The following PAQR7 variants were observed in gnomAD, a reference collection of about 807,000 sequenced individuals.
The protein encoded by PAQR7 is progestin and adipoQ receptor family member 7, also known as membrane progestin receptor alpha.
In PAQR7, 14 loss-of-function variants were observed where a neutral mutation model predicts 24.6. The ratio of observed to expected loss-of-function variants is 0.57; its 90% CI spans 0.38 to 0.89. The LOEUF (loss-of-function observed/expected upper bound fraction) is 0.89, where lower values mean the gene tolerates loss of function less well. Among genes scored for constraint, PAQR7 ranks in the 40% least tolerant of loss-of-function variants. The pLI is 0.00. For synonymous variants in PAQR7, 189 were observed against 198.8 expected (o/e 0.95, Z 0.42); for missense variants, 351 against 444.0 (o/e 0.79, Z 1.88).
intron 2 of PAQR7, among the ~76,000 whole-genome samples, chr1:25,866,344 G>C (rs1224623775): frequency 6.6e-6 from 1 of 152,040 alleles, no homozygotes; most frequent in Non-Finnish European, 1.5e-5. Context: ...CCTCCTTACT[G>C]CTCCCCCAAT....
At chr1:25,871,339 A>C (rs1441776993) in intron 1 of PAQR7, 10 of 152,306 alleles carry the variant, frequency 6.6e-5, no homozygotes, top group Non-Finnish European at 1.5e-4. Context: ...CCTCAACTCC[A>C]GCAGCTCAGA....
At chr1:25,869,579 A>C (rs1572280546) in intron 2 of PAQR7, among the ~76,000 whole-genome samples, 1 of 151,784 alleles carries the variant, frequency 6.6e-6, no homozygotes, top group African/African-American at 2.4e-5. Flanking sequence ...AAAAAAAAAA[A>C]AAAAGAAAAA....
Position 25,863,983 on chromosome 1 carries a change from G to A in PAQR7, c.-22-122C>T, listed in dbSNP as rs765313159. 6 of 711,594 alleles carry A rather than the reference G, an allele frequency of 8.4e-6. No homozygotes were observed. Among genetic ancestry groups the A allele is most frequent in the African/African-American group, 1.8e-5 (1 of 55,838 alleles). The allele number at this position is 711,594 out of a possible 1,614,324, so 44.1% of individuals were successfully genotyped here. ...TCCGACAGCCTTATCCTTACACTCGGTTTAAGAACAGAAGACTCATCCTAT... is the reference window on the plus strand; with the variant it reads ...TCCGACAGCCTTATCCTTACACTCGATTTAAGAACAGAAGACTCATCCTAT... On this transcript the variant is annotated intron_variant, in intron 2 of 2. Transcript: ENST00000675840. The surrounding 1 kb of genome is among the most constrained non-coding windows in gnomAD (Gnocchi z 6.1).
rs1006837987 is a variant in PAQR7 at position 25,875,114 on chromosome 1, T to C, written c.-109+374A>G. Reference sequence around the variant, plus strand: ...GCCCCTACCCACTCCCTGCCCTCCATCCTTCATTTTCTCCAAGCAGCCCTC... The same window carrying C: ...GCCCCTACCCACTCCCTGCCCTCCACCCTTCATTTTCTCCAAGCAGCCCTC... On this transcript the variant is annotated intron_variant, in intron 1 of 2. Transcript: ENST00000675840. This position sits in a 1 kb window ranked among gnomAD's most constrained non-coding sequence, Gnocchi z 5.4. Among the ~76,000 whole-genome samples, 16 of 151,886 alleles carry C rather than the reference T, an allele frequency of 1.1e-4. No homozygotes were observed. Among genetic ancestry groups the C allele is most frequent in the Middle Eastern group, 3.2e-3 (1 of 314 alleles).
At chr1:25,872,855 T>C (rs1011150807) in intron 1 of PAQR7, among the ~76,000 whole-genome samples, 9 of 152,156 alleles carry the variant, frequency 5.9e-5, no homozygotes, top group South Asian at 2.1e-4. Flanking sequence ...AGCTTACAGC[T>C]CAGCTAAATA....
chr1:25,871,921 GA>G (rs1360740336), intron 1 of PAQR7, among the ~76,000 whole-genome samples: 1 of 152,222 alleles, frequency 6.6e-6, no homozygotes, highest in Non-Finnish European at 1.5e-5. Flanking sequence ...AGCCTGGAGG[GA>G]AGCCAGCCAG....
In PAQR7 at chr1:25,863,024, C is replaced by A. The variant is rs1352168570; in HGVS notation, c.816G>T (p.Gly272=). 1 of 1,614,150 alleles carries A rather than the reference C, an allele frequency of 6.2e-7. No homozygotes were observed. Among genetic ancestry groups the A allele is most frequent in the South Asian group, 1.1e-5 (1 of 91,084 alleles). Residue 272 remains glycine (G), a synonymous_variant, in exon 3 of 3, where the codon GGG becomes GGT. Coordinates refer to ENST00000675840, the MANE Select transcript of PAQR7 (RefSeq NM_178422.6). The surrounding 1 kb of genome is among the most constrained non-coding windows in gnomAD (Gnocchi z 6.1). ...AGATGTGGAAAAGTTGGTGGCCCTG[C>A]CCGAAGACATGGCAGCTGCCAGGGA... is the stretch of plus-strand genomic sequence containing the variant. ...RWFPGSCHVF[G]QGHQLFHIFL...
At chr1:25,864,091 G>T (rs1043164979) in intron 2 of PAQR7, among the ~76,000 whole-genome samples, 1 of 152,154 alleles carries the variant, frequency 6.6e-6, no homozygotes, top group East Asian at 1.9e-4. Flanking sequence ...CACATAGTAG[G>T]TGCTCAATAA....
At chr1:25,866,950 C>T (rs1247553233) in intron 2 of PAQR7, among the ~76,000 whole-genome samples, 2 of 152,172 alleles carry the variant, frequency 1.3e-5, no homozygotes, top group South Asian at 2.1e-4. Context: ...AGGCTGGTCT[C>T]GAACTCCTGA....
At chr1:25,869,568 TAAAA>T (rs60600055) in intron 2 of PAQR7, among the ~76,000 whole-genome samples, 8 of 130,468 alleles carry the variant, frequency 6.1e-5, no homozygotes, top group Non-Finnish European at 6.4e-5. Flanking sequence ...TGAGACTCTC[TAAAA>T]AAAAAAAAAA....
chr1:25,863,104 C>T lies in PAQR7; in HGVS notation c.736G>A (p.Val246Ile). The change falls in exon 3 of 3, where the codon GTC (valine) becomes ATC (isoleucine). Residue 246 changes from valine (V) to isoleucine (I), a missense_variant. Physicochemically the swap from Val to Ile is conservative, Grantham distance 29. Coordinates refer to ENST00000675840, the MANE Select transcript of PAQR7 (RefSeq NM_178422.6). This position sits in a 1 kb window ranked among gnomAD's most constrained non-coding sequence, Gnocchi z 6.1. ...PALLYHKCQV[V>I]FFLLAAAFFS... Reference sequence around the variant, plus strand: ...AAGGCAGCAGCCAGCAGAAAGAAGACCACCTGGCACTTGTGGTAGAGAAGA... The same window carrying T: ...AAGGCAGCAGCCAGCAGAAAGAAGATCACCTGGCACTTGTGGTAGAGAAGA... The T allele has an allele frequency of 6.2e-7, 1 of 1,614,084 alleles. No homozygotes were observed. Among genetic ancestry groups the T allele is most frequent in the Non-Finnish European group, 8.5e-7 (1 of 1,180,038 alleles).
In PAQR7 at chr1:25,875,004, G is replaced by A. The variant is rs2048637397; in HGVS notation, c.-109+484C>T. On this transcript the variant is annotated intron_variant, in intron 1 of 2. Transcript: ENST00000675840. This position sits in a 1 kb window ranked among gnomAD's most constrained non-coding sequence, Gnocchi z 5.4. ...GGCACCCATACCCCTTCCTGTCCCG[G>A]TCTCACCTACATTCCTCCTCCAGAA... 2.0e-5 allele frequency among the ~76,000 whole-genome samples: 3 copies of A among 152,084 alleles called. No individual in the cohort carries two copies. The highest frequency in any genetic ancestry group is 4.1e-4 in the South Asian group (2 of 4,824).
rs1557470216 is a variant in PAQR7, at chr1:25,875,573, CCAAG to C, written c.-198_-195del. On this transcript the variant is annotated 5_prime_UTR_variant, in exon 1 of 3. Coordinates refer to ENST00000675840, the MANE Select transcript of PAQR7 (RefSeq NM_178422.6). The surrounding 1 kb of genome is among the most constrained non-coding windows in gnomAD (Gnocchi z 5.4). Reference sequence around the variant, plus strand: ...AGAGCAGCCGGGCAGCGGCCCCGCCCCAAGCCGGGGGAGGGCGGGCGGCCTCGGG... The same window carrying C: ...AGAGCAGCCGGGCAGCGGCCCCGCCCCCGGGGGAGGGCGGGCGGCCTCGGG... Among the ~76,000 whole-genome samples, 1 of 152,008 alleles carries C rather than the reference CCAAG, an allele frequency of 6.6e-6. No homozygotes were observed. The highest frequency in any genetic ancestry group is 2.4e-5 in the African/African-American group (1 of 41,414).
chr1:25,865,281 T>C (rs2048547643), intron 2 of PAQR7, among the ~76,000 whole-genome samples: 1 of 152,232 alleles, frequency 6.6e-6, no homozygotes. Flanking sequence ...ACATTTCTCA[T>C]GATTGTTCAT....
rs2048536209 is a variant in PAQR7 at position 25,863,971 on chromosome 1, T to G, written c.-22-110A>C. On this transcript the variant is annotated intron_variant, in intron 2 of 2. Coordinates refer to ENST00000675840, the MANE Select transcript of PAQR7 (RefSeq NM_178422.6). This position sits in a 1 kb window ranked among gnomAD's most constrained non-coding sequence, Gnocchi z 6.1. ...TACTCCCTCCTCTCCGACAGCCTTA[T>G]CCTTACACTCGGTTTAAGAACAGAA... 1 of 765,882 alleles carries G rather than the reference T, an allele frequency of 1.3e-6. No homozygotes were observed. The highest frequency in any genetic ancestry group is 2.1e-6 in the Non-Finnish European group (1 of 487,222). The allele number at this position is 765,882 out of a possible 1,614,324, so 47.4% of individuals were successfully genotyped here. A position where few individuals can be genotyped will look rare whatever the true frequency, so the allele number is the denominator to read the frequency against.
At position 25,863,060 on chromosome 1, in the gene PAQR7, G is replaced by A. The variant is rs775864870; in HGVS notation, c.780C>T (p.Pro260=). The change falls in exon 3 of 3, where the codon CCC becomes CCT. Residue 260 remains proline (P), a synonymous_variant. Transcript: ENST00000675840. The surrounding 1 kb of genome is among the most constrained non-coding windows in gnomAD (Gnocchi z 6.1). ...LAAAFFSTFM[P]ERWFPGSCHV... ...GGCAGCTGCCAGGGAACCAGCGCTCGGGCATGAAGGTAGAGAAGAAGGCAG... is the reference window on the plus strand; with the variant it reads ...GGCAGCTGCCAGGGAACCAGCGCTCAGGCATGAAGGTAGAGAAGAAGGCAG... 38 of 1,613,944 alleles carry A rather than the reference G, an allele frequency of 2.4e-5. 1 individual carries two copies. The highest frequency in any genetic ancestry group is 1.5e-4 in the Admixed American group (9 of 59,996).
At chr1:25,869,334 G>A (rs1440394273) in intron 2 of PAQR7, among the ~76,000 whole-genome samples, 2 of 152,120 alleles carry the variant, frequency 1.3e-5, no homozygotes, top group Admixed American at 1.3e-4. Flanking sequence ...CTCACTGGGA[G>A]GCCGAGGTGG....
chr1:25,861,693 A>C lies in PAQR7; in HGVS notation c.*1106T>G, dbSNP rs1454394554. ...CAGCACAGGTTAATCCCTCTCCAGC[A>C]CCTCCCTTGACAGTTCATTCTGATA... is the stretch of plus-strand genomic sequence containing the variant. On this transcript the variant is annotated 3_prime_UTR_variant, in exon 3 of 3. Transcript: ENST00000675840. The C allele has an allele frequency of 6.6e-6, 1 of 151,686 alleles. No homozygotes were observed. The highest frequency in any genetic ancestry group is 1.5e-5 in the Non-Finnish European group (1 of 68,076). The allele number at this position is 151,686 out of a possible 1,614,324, so 9.4% of individuals were successfully genotyped here.
At chr1:25,865,986 C>CAA (rs111451589) in intron 2 of PAQR7, among the ~76,000 whole-genome samples, 4 of 97,452 alleles carry the variant, frequency 4.1e-5, no homozygotes, top group Admixed American at 1.1e-4. Context: ...AACTCCGTCT[C>CAA]AAAAAAAAAA....
Sources: allele counts gnomAD v4.1 joint callset (sites outside exome capture counted in the v4.1 genomes callset), GRCh38; gene constraint gnomAD v4.1.1; non-coding constraint Gnocchi (gnomAD v3.1); transcripts MANE v1.5; gene names NCBI Gene and HGNC (gene_info 2026-07-23, HGNC 2026-07-21).